Variants in SLC12A7 observed in about 807,000 individuals in gnomAD.
SLC12A7 encodes K-Cl cotransporter 4.
A neutral mutation model predicts 120.6 loss-of-function variants in SLC12A7; 100 were observed. The observed-to-expected ratio is 0.83, with a 90% CI of 0.71 to 0.98. The LOEUF is 0.98. SLC12A7 is among the 50% of genes least tolerant of loss of function. SLC12A7 has a pLI of 0.00. For missense variants in SLC12A7, 1,373 were observed against 1,548.1 expected (o/e 0.89, Z 1.90); for synonymous variants, 760 against 678.0 (o/e 1.12, Z -1.88).
chr5:1,069,270 G>A (rs895817345), intron 17 of SLC12A7, among the ~76,000 whole-genome samples: 6 of 152,234 alleles, frequency 3.9e-5, no homozygotes, highest in Non-Finnish European at 8.8e-5. Flanking sequence ...CTGGCCCTAG[G>A]CCACACCACC....
At chr5:1,119,426 G>A in the SLC12A7 span, among the ~76,000 whole-genome samples, 3 of 152,188 alleles carry the variant, frequency 2.0e-5, no homozygotes, top group Admixed American at 6.5e-5. Context: ...CCCAGGGGAC[G>A]CCGCAGGCAC....
Position 1,078,712 on chromosome 5 carries a change from G to C in SLC12A7, c.1443C>G (p.Val481=), listed in dbSNP as rs765187159. Residue 481 remains valine, a synonymous_variant, in exon 11 of 24, where the codon GTC becomes GTG. Coordinates refer to ENST00000264930, the MANE Select transcript of SLC12A7 (RefSeq NM_006598.3). The stretch of plus-strand genomic sequence containing the variant: ...AGGTGGAAACGTACTTATCTCGTAA[G>C]ACCACGCCTTCAATGCAGGCCCCAA... ...VLFGACIEGV[V]LRDKFGEALQ... 6.2e-7 allele frequency: 1 copy of C among 1,612,282 alleles called. No homozygotes were observed.
the SLC12A7 span, among the ~76,000 whole-genome samples, chr5:1,132,444 T>A: frequency 2.6e-5 from 4 of 152,144 alleles, no homozygotes; most frequent in Non-Finnish European, 5.9e-5. Flanking sequence ...CACTTTATAC[T>A]CTATGGACTC....
intron 22 of SLC12A7, chr5:1,056,619 AGT>A: frequency 2.0e-6 from 2 of 983,816 alleles, no homozygotes; most frequent in Non-Finnish European, 2.4e-6. Context: ...AAAAAACAAG[AGT>A]GTGTTACTGA....
At chr5:1,155,620 G>A in the SLC12A7 span, among the ~76,000 whole-genome samples, 1 of 151,280 alleles carries the variant, frequency 6.6e-6, no homozygotes, top group Non-Finnish European at 1.5e-5. Context: ...GGCCCGCCAG[G>A]CCGCCGCCGC....
At chr5:1,059,783 G>C (rs1374657811) in intron 21 of SLC12A7, among the ~76,000 whole-genome samples, 2 of 148,966 alleles carry the variant, frequency 1.3e-5, no homozygotes, top group African/African-American at 4.9e-5. Flanking sequence ...GGGGGGGTTG[G>C]CAACTCCCCT....
At chr5:1,111,104 CCTT>C (rs1415168021) in intron 1 of SLC12A7, among the ~76,000 whole-genome samples, 2 of 152,166 alleles carry the variant, frequency 1.3e-5, no homozygotes, top group Admixed American at 6.5e-5. Flanking sequence ...AGTCCGGACA[CCTT>C]CTCAGAGACT....
At position 1,076,687 on chromosome 5, in the gene SLC12A7, G is replaced by A; in HGVS notation, c.1748+7C>T. The A allele has an allele frequency of 6.2e-7, 1 of 1,603,376 alleles. No homozygotes were observed. The highest frequency in any genetic ancestry group is 8.5e-7 in the Non-Finnish European group (1 of 1,173,730). On this transcript the variant is annotated splice_region_variant and intron_variant, in intron 13 of 23. Transcript: ENST00000264930. ...CATCCCCAGGTCCCCGTCCTGTGGGGGCTCACATGGAGAGGATCGGGGCCA... is the reference window on the plus strand; with the variant it reads ...CATCCCCAGGTCCCCGTCCTGTGGGAGCTCACATGGAGAGGATCGGGGCCA...
At chr5:1,076,006 TGGCCTTGTAGAGGCACCCA>T (rs1200247119) in intron 14 of SLC12A7, 113 bp downstream of exon 14, 1 of 696,404 alleles carries the variant, frequency 1.4e-6, no homozygotes, top group African/African-American at 1.8e-5. Flanking sequence ...CCAGAGCAGC[TGGCCTTGTAGAGGCACCCA>T]GTGTCCCAGC....
At chr5:1,138,576 G>A in the SLC12A7 span, among the ~76,000 whole-genome samples, 1 of 152,200 alleles carries the variant, frequency 6.6e-6, no homozygotes, top group South Asian at 2.1e-4. Context: ...TGATTTGCCA[G>A]TGGGCTTAGA....
At chr5:1,086,384 G>A (rs767422234) in intron 6 of SLC12A7, among the ~76,000 whole-genome samples, 2 of 152,148 alleles carry the variant, frequency 1.3e-5, no homozygotes, top group African/African-American at 4.8e-5. Context: ...CCGTCCCCAC[G>A]AGGACCAAGG....
chr5:1,078,269 G>A (rs1169005908), intron 11 of SLC12A7, among the ~76,000 whole-genome samples: 1 of 152,094 alleles, frequency 6.6e-6, no homozygotes, highest in African/African-American at 2.4e-5. Context: ...GACCCAGCCT[G>A]GCATCAGCTT....
At chr5:1,075,636 G>T in intron 14 of SLC12A7, 146 bp from the exon 15 acceptor site, 1 of 1,285,434 alleles carries the variant, frequency 7.8e-7, no homozygotes, top group Non-Finnish European at 1.0e-6. Flanking sequence ...GACCATGGCT[G>T]TACTCAACCA....
chr5:1,110,183 C>T (rs1053211385), intron 1 of SLC12A7, among the ~76,000 whole-genome samples: 5 of 152,246 alleles, frequency 3.3e-5, no homozygotes, highest in Non-Finnish European at 5.9e-5. Flanking sequence ...AAGTAGGAAG[C>T]GGGTCCAGCA....
intron 1 of SLC12A7, among the ~76,000 whole-genome samples, chr5:1,105,937 AC>A (rs1742497496): frequency 1.3e-5 from 2 of 152,030 alleles, no homozygotes; most frequent in African/African-American, 4.8e-5. Flanking sequence ...GGGGAGGTCT[AC>A]CCCTCAAGGC....
chr5:1,055,117 C>T (rs187128448), intron 22 of SLC12A7, among the ~76,000 whole-genome samples: 5,370 of 152,074 alleles, frequency 0.035, 325 homozygotes, highest in African/African-American at 0.12. Context: ...GGCACAGACA[C>T]GCACACTAAT....
chr5:1,061,611 C>G (rs1338509050), intron 20 of SLC12A7, among the ~76,000 whole-genome samples: 1 of 152,164 alleles, frequency 6.6e-6, no homozygotes, highest in Non-Finnish European at 1.5e-5. Context: ...GCACCCGGCT[C>G]ATGGGAGTTG....
chr5:1,089,154 G>A (rs1740221989), intron 3 of SLC12A7, 26 bp from the exon 4 acceptor site: 1 of 1,608,824 alleles, frequency 6.2e-7, no homozygotes, highest in East Asian at 2.2e-5. Flanking sequence ...GCGTGTCCCA[G>A]GGGCTCGTAC....
chr5:1,080,004 G>A (rs1561067991), intron 9 of SLC12A7, among the ~76,000 whole-genome samples: 1 of 152,210 alleles, frequency 6.6e-6, no homozygotes, highest in Non-Finnish European at 1.5e-5. Context: ...CAAAGCTCTG[G>A]GAAGCCGGGT....
Sources: gnomAD v4.1 joint callset for allele counts (sites outside exome capture counted in the v4.1 genomes callset) on GRCh38, gnomAD v4.1.1 for gene constraint, MANE v1.5 for transcripts, NCBI Gene and HGNC (gene_info 2026-07-23, HGNC 2026-07-21) for gene names.